SHTN1: variants seen among roughly 807,000 people sequenced by gnomAD.
SHTN1 encodes the protein shootin 1, also known as shootin-1.
A neutral mutation model predicts 83.1 loss-of-function variants in SHTN1; 42 were observed. The ratio of observed to expected loss-of-function variants is 0.51; its 90% CI spans 0.39 to 0.65. The LOEUF (loss-of-function observed/expected upper bound fraction) is 0.65. Among genes scored for constraint, SHTN1 ranks in the 30% least tolerant of loss-of-function variants. SHTN1 has a pLI of 0.00. For synonymous variants in SHTN1, 224 were observed against 247.7 expected (o/e 0.90, Z 0.90); for missense variants, 622 against 737.8 (o/e 0.84, Z 1.82).
intron 2 of SHTN1, among the ~76,000 whole-genome samples, chr10:117,020,643 C>T (rs1040617398): frequency 1.3e-5 from 2 of 151,336 alleles, no homozygotes; most frequent in African/African-American, 2.4e-5. Context: ...CTACCTCCAC[C>T]ATATTAAAAA....
At chr10:116,909,849 T>C (rs1848120916) in intron 14 of SHTN1, among the ~76,000 whole-genome samples, 3 of 152,196 alleles carry the variant, frequency 2.0e-5, no homozygotes, top group Admixed American at 1.3e-4. Context: ...TCTGGTTCTG[T>C]TCCACAATAG....
At chr10:116,948,535 AT>A (rs1445819961) in intron 7 of SHTN1, among the ~76,000 whole-genome samples, 2 of 152,116 alleles carry the variant, frequency 1.3e-5, no homozygotes, top group Admixed American at 1.3e-4. Context: ...TCATCACATA[AT>A]GTTACATGTT....
intron 10 of SHTN1, 126 bp downstream of exon 10, chr10:116,929,723 C>T (rs959588769): frequency 3.2e-5 from 17 of 538,044 alleles, no homozygotes; most frequent in African/African-American, 3.2e-4. Context: ...AATTTCAAAA[C>T]AAATCTTGGT....
intron 16 of SHTN1, among the ~76,000 whole-genome samples, chr10:116,899,276 A>G (rs1847635190): frequency 1.3e-5 from 2 of 152,204 alleles, no homozygotes; most frequent in African/African-American, 2.4e-5. Context: ...ATGACGTAGG[A>G]TAAGGGGGAA....
At chr10:116,981,830 G>A (rs1851029355) in intron 1 of SHTN1, among the ~76,000 whole-genome samples, 1 of 152,130 alleles carries the variant, frequency 6.6e-6, no homozygotes, top group African/African-American at 2.4e-5. Context: ...AGGGTGAGGC[G>A]GGCAGATCAT....
At chr10:117,088,127 C>T (rs1853376793) in intron 1 of SHTN1, among the ~76,000 whole-genome samples, 1 of 152,152 alleles carries the variant, frequency 6.6e-6, no homozygotes, top group South Asian at 2.1e-4. Context: ...TATTAAAGAA[C>T]AATTTGTGCA....
chr10:117,059,867 T>A (rs960566756), intron 1 of SHTN1, among the ~76,000 whole-genome samples: 3 of 152,186 alleles, frequency 2.0e-5, no homozygotes, highest in Non-Finnish European at 4.4e-5. Flanking sequence ...CTCTGTATTA[T>A]CTTTTGCAAC....
At chr10:116,921,740 C>T (rs1245404751) in intron 11 of SHTN1, among the ~76,000 whole-genome samples, 1 of 151,892 alleles carries the variant, frequency 6.6e-6, no homozygotes, top group East Asian at 1.9e-4. Context: ...GAGTACACTA[C>T]TATAATAATA....
intron 2 of SHTN1, among the ~76,000 whole-genome samples, chr10:116,970,302 T>A (rs1019206595): frequency 6.6e-6 from 1 of 152,208 alleles, no homozygotes; most frequent in Non-Finnish European, 1.5e-5. Context: ...TCTCTAGTAA[T>A]GTATAACATA....
chr10:116,904,681 A>G (rs1248459962), intron 15 of SHTN1, among the ~76,000 whole-genome samples: 1 of 152,188 alleles, frequency 6.6e-6, no homozygotes. Flanking sequence ...TGTTCATGAA[A>G]TGTGTTCCTT....
rs190435012 is a variant in SHTN1 at position 116,890,851 on chromosome 10, C to T, written c.1674-4285G>A. ...CATGCCAACGCTGAACTTTACAGGA[C>T]TCAGTGATTTCTCAGACTGTGTTAC... On this transcript the variant is annotated intron_variant, in intron 16 of 16. Coordinates refer to ENST00000355371, the MANE Select transcript of SHTN1 (RefSeq NM_001127211.3). Among the ~76,000 whole-genome samples the T allele has an allele frequency of 2.8e-3, 423 of 152,358 alleles. 4 individuals carry two copies. Among genetic ancestry groups the T allele is most frequent in the Non-Finnish European group, 5.3e-4 (36 of 68,032 alleles).
chr10:117,070,733 T>G (rs1745950966), intron 1 of SHTN1, among the ~76,000 whole-genome samples: 1 of 150,770 alleles, frequency 6.6e-6, no homozygotes, highest in South Asian at 2.1e-4. Flanking sequence ...GAGATCAGTT[T>G]GGCGGTAAAT....
chr10:117,010,422 A>G (rs1361798283), upstream of SHTN1, among the ~76,000 whole-genome samples: 2 of 151,960 alleles, frequency 1.3e-5, no homozygotes, highest in Non-Finnish European at 2.9e-5. Flanking sequence ...TTAAAAAAAG[A>G]AAAGAAAAGA....
intron 9 of SHTN1, among the ~76,000 whole-genome samples, chr10:116,932,114 T>C (rs1371498301): frequency 6.6e-6 from 1 of 152,210 alleles, no homozygotes. Flanking sequence ...TGTAATAAGA[T>C]ACTCTCTCAA....
chr10:117,108,559 G>T (rs111390913), intron 1 of SHTN1, among the ~76,000 whole-genome samples: 1 of 121,400 alleles, frequency 8.2e-6, no homozygotes, highest in Non-Finnish European at 1.7e-5. Context: ...GCCTGTCGTG[G>T]GGTGGGGGGA....
chr10:117,080,878 T>A (rs1299747209), intron 1 of SHTN1, among the ~76,000 whole-genome samples: 1 of 143,518 alleles, frequency 7.0e-6, no homozygotes, highest in African/African-American at 2.6e-5. Context: ...TTTTGCACAT[T>A]GATTTTGTAT....
intron 9 of SHTN1, 91 bp from the exon 10 acceptor site, chr10:116,930,093 G>A: frequency 1.3e-6 from 1 of 797,760 alleles, no homozygotes; most frequent in Non-Finnish European, 1.9e-6. Flanking sequence ...ATTTCCCTTT[G>A]ACTGTACTTC....
chr10:117,035,169 G>A (rs1490987374), intron 2 of SHTN1, among the ~76,000 whole-genome samples: 1 of 152,106 alleles, frequency 6.6e-6, no homozygotes, highest in Admixed American at 6.5e-5. Flanking sequence ...AGAGAACCCA[G>A]AAACAAATCC....
At chr10:117,048,257 T>A (rs1564941432) in intron 2 of SHTN1, among the ~76,000 whole-genome samples, 1 of 152,196 alleles carries the variant, frequency 6.6e-6, no homozygotes, top group Non-Finnish European at 1.5e-5. Flanking sequence ...CAGACCTAAA[T>A]AATGACTCCA....
Sources: gnomAD v4.1 joint callset for allele counts (sites outside exome capture counted in the v4.1 genomes callset) on GRCh38, gnomAD v4.1.1 for gene constraint, MANE v1.5 for transcripts, NCBI Gene and HGNC (gene_info 2026-07-23, HGNC 2026-07-21) for gene names.